Variants in ROBO1 observed in about 807,000 individuals in gnomAD.
ROBO1 encodes the protein roundabout homolog 1.
In ROBO1, 149 loss-of-function variants were observed where a neutral mutation model predicts 195.9. The observed-to-expected ratio is 0.76, with a 90% CI of 0.67 to 0.87. The LOEUF (loss-of-function observed/expected upper bound fraction) is 0.87. Among genes scored for constraint, ROBO1 ranks in the 40% least tolerant of loss-of-function variants. ROBO1 has a pLI of 0.00. For missense variants in ROBO1, 1,933 were observed against 2,068.3 expected (o/e 0.93, Z 1.27); for synonymous variants, 816 against 733.2 (o/e 1.11, Z -1.82).
chr3:78,975,150 G>T (rs558198958), intron 3 of ROBO1, among the ~76,000 whole-genome samples: 2 of 152,068 alleles, frequency 1.3e-5, no homozygotes, highest in African/African-American at 4.8e-5. Flanking sequence ...TTAAGGAAAC[G>T]GGTCCTGCCT....
At chr3:78,973,470 CTATA>C (rs1010411232) in intron 3 of ROBO1, among the ~76,000 whole-genome samples, 6 of 139,172 alleles carry the variant, frequency 4.3e-5, no homozygotes, top group Admixed American at 1.5e-4. Context: ...ATATAAGAAG[CTATA>C]TATATATTAT....
chr3:79,255,607 T>C (rs915170582), intron 2 of ROBO1, among the ~76,000 whole-genome samples: 5 of 152,194 alleles, frequency 3.3e-5, no homozygotes, highest in African/African-American at 1.2e-4. Flanking sequence ...TTAGTGTCAC[T>C]GTGTTTTCTC....
chr3:78,658,331 CTCAGGCTGCAGTGTAGTGGTGCAATCT>C (rs1707167992), intron 17 of ROBO1, among the ~76,000 whole-genome samples: 1 of 152,138 alleles, frequency 6.6e-6, no homozygotes, highest in South Asian at 2.1e-4. Flanking sequence ...TGCTCTGTGG[CTCAGGCTGCAGTGTAGTGGTGCAATCT>C]TGGCTCACTG....
At chr3:79,075,111 CT>C (rs570648608) in intron 3 of ROBO1, among the ~76,000 whole-genome samples, 3 of 151,494 alleles carry the variant, frequency 2.0e-5, no homozygotes, top group Admixed American at 6.6e-5. Flanking sequence ...CTCATCATGG[CT>C]TTTTTTTAAG....
At chr3:79,361,599 T>A (rs2035772282) in intron 2 of ROBO1, among the ~76,000 whole-genome samples, 1 of 151,998 alleles carries the variant, frequency 6.6e-6, no homozygotes, top group African/African-American at 2.4e-5. Context: ...AGGACGAAAA[T>A]TTTAAATTCA....
chr3:79,053,190 G>C (rs1378833344), intron 3 of ROBO1, among the ~76,000 whole-genome samples: 1 of 151,704 alleles, frequency 6.6e-6, no homozygotes, highest in African/African-American at 2.4e-5. Flanking sequence ...TGACCCCCTA[G>C]AGTTACCATA....
chr3:79,273,886 T>C (rs1457876449), intron 2 of ROBO1, among the ~76,000 whole-genome samples: 2 of 151,928 alleles, frequency 1.3e-5, no homozygotes, highest in Non-Finnish European at 2.9e-5. Context: ...CTAACTATAA[T>C]ACTATAGTTC....
rs111454911 is a variant in ROBO1, at chr3:79,502,531, G to C, written c.88+87293C>G. ...ACCGCCATGGGCTCCTGCACGGCCT[G>C]AGCCTCCCAGACGAGCGCCATCCCC... On this transcript the variant is annotated intron_variant, in intron 2 of 30. Coordinates refer to ENST00000464233, the MANE Select transcript of ROBO1 (RefSeq NM_002941.4). Among the ~76,000 whole-genome samples, 749 of 152,122 alleles carry C rather than the reference G, an allele frequency of 4.9e-3. 6 individuals carry two copies. Among genetic ancestry groups the C allele is most frequent in the African/African-American group, 0.016 (673 of 41,516 alleles).
intron 2 of ROBO1, among the ~76,000 whole-genome samples, chr3:79,303,490 T>C (rs1487466052): frequency 6.6e-6 from 1 of 152,074 alleles, no homozygotes; most frequent in Non-Finnish European, 1.5e-5. Context: ...GTGGTGAGAA[T>C]ACTTGATATA....
chr3:78,747,499 T>C (rs1434364224), intron 4 of ROBO1, among the ~76,000 whole-genome samples: 1 of 152,156 alleles, frequency 6.6e-6, no homozygotes, highest in African/African-American at 2.4e-5. Context: ...TGTTTTTCCA[T>C]GATTACTGAG....
intron 3 of ROBO1, among the ~76,000 whole-genome samples, chr3:79,012,639 T>C (rs1284400321): frequency 6.6e-6 from 1 of 152,216 alleles, no homozygotes; most frequent in African/African-American, 2.4e-5. Context: ...AATAACACTG[T>C]CATAAGACAT....
rs372261467 is a variant in ROBO1 at position 78,743,912 on chromosome 3, T to C, written c.657+2831A>G. On this transcript the variant is annotated intron_variant, in intron 5 of 30. Coordinates refer to ENST00000464233, the MANE Select transcript of ROBO1 (RefSeq NM_002941.4). ...GCCGGACAGCAAAAAAGCTGGGAAG[T>C]AGAGTGTTTCATCCGCCAGAAGGAC... Among the ~76,000 whole-genome samples, 35 of 152,188 alleles carry C rather than the reference T, an allele frequency of 2.3e-4. 1 individual carries two copies. The highest frequency in any genetic ancestry group is 1.4e-3 in the East Asian group (7 of 5,166).
intron 3 of ROBO1, among the ~76,000 whole-genome samples, chr3:78,997,742 G>A (rs996914211): frequency 1.3e-5 from 2 of 152,104 alleles, no homozygotes; most frequent in Admixed American, 6.6e-5. Context: ...GTTGGGGAGG[G>A]GAGGATAAAC....
At chr3:79,651,705 G>C (rs1004949855) in intron 1 of ROBO1, among the ~76,000 whole-genome samples, 1 of 152,070 alleles carries the variant, frequency 6.6e-6, no homozygotes, top group Non-Finnish European at 1.5e-5. Context: ...TGGGTGAAAT[G>C]GACACATACA....
chr3:79,173,975 G>A (rs2081217991), intron 2 of ROBO1, among the ~76,000 whole-genome samples: 1 of 152,246 alleles, frequency 6.6e-6, no homozygotes, highest in South Asian at 2.1e-4. Context: ...GAGAACCTTT[G>A]TGTCTGGCTC....
At chr3:78,877,350 C>A (rs188921183) in intron 4 of ROBO1, among the ~76,000 whole-genome samples, 4 of 151,438 alleles carry the variant, frequency 2.6e-5, no homozygotes, top group African/African-American at 9.7e-5. Context: ...AATGGAAGGA[C>A]AATGGAATAA....
At position 78,599,742 on chromosome 3, in the gene ROBO1, C is replaced by G. The variant is rs1157050488; in HGVS notation, c.4941+371G>C. ...GGTGCTGACTATGGCAACTTCCTCA[C>G]TCACATCATATAACTCTGTCATCTT... On this transcript the variant is annotated intron_variant, in intron 30 of 30. Coordinates refer to ENST00000464233, the MANE Select transcript of ROBO1 (RefSeq NM_002941.4). 2.6e-5 allele frequency among the ~76,000 whole-genome samples: 4 copies of G among 152,268 alleles called. 1 individual carries two copies. In the Middle Eastern group the frequency reaches 0.01, roughly 388 times the overall value.
chr3:79,614,037 GA>G (rs1313171892), intron 1 of ROBO1, among the ~76,000 whole-genome samples: 1 of 151,868 alleles, frequency 6.6e-6, no homozygotes, highest in Non-Finnish European at 1.5e-5. Context: ...TAAAATAAAA[GA>G]AATAGAGAAA....
At chr3:78,628,233 C>A (rs1323028989) in intron 25 of ROBO1, among the ~76,000 whole-genome samples, 1 of 152,156 alleles carries the variant, frequency 6.6e-6, no homozygotes, top group Non-Finnish European at 1.5e-5. Context: ...GGATTACAGG[C>A]GTGAGCCACT....
Sources: gnomAD v4.1 joint callset for allele counts (sites outside exome capture counted in the v4.1 genomes callset) on GRCh38, gnomAD v4.1.1 for gene constraint, MANE v1.5 for transcripts, NCBI Gene and HGNC (gene_info 2026-07-23, HGNC 2026-07-21) for gene names.